Variants in NKAIN2 observed in about 807,000 individuals in gnomAD.
NKAIN2 encodes sodium/potassium transporting ATPase interacting 2.
In NKAIN2, 14 loss-of-function variants were observed where a neutral mutation model predicts 32.6. The ratio of observed to expected loss-of-function variants is 0.43; its 90% CI spans 0.28 to 0.67. NKAIN2 has a LOEUF of 0.67. NKAIN2 is among the 30% of genes least tolerant of loss of function. The pLI, the probability that NKAIN2 is intolerant of heterozygous loss-of-function variation, is 0.17. For synonymous variants in NKAIN2, 80 were observed against 87.2 expected, an observed-to-expected ratio of 0.92 and a Z score of 0.46; for missense variants, 198 against 258.3, an observed-to-expected ratio of 0.77 and a Z score of 1.60.
chr6:123,854,535 C>T (rs764895107), intron 1 of NKAIN2, among the ~76,000 whole-genome samples: 6 of 152,148 alleles, frequency 3.9e-5, no homozygotes, highest in Non-Finnish European at 8.8e-5. Flanking sequence ...TTAAATAATA[C>T]ATTAATGCTA....
intron 4 of NKAIN2, among the ~76,000 whole-genome samples, chr6:124,702,073 G>A (rs1774819009): frequency 6.6e-6 from 1 of 152,066 alleles, no homozygotes; most frequent in Admixed American, 6.6e-5. Flanking sequence ...ATAGTTTGAA[G>A]TTGGGTTACA....
At chr6:124,085,872 C>T (rs1784170244) in intron 1 of NKAIN2, among the ~76,000 whole-genome samples, 1 of 151,854 alleles carries the variant, frequency 6.6e-6, no homozygotes, top group African/African-American at 2.4e-5. Context: ...GAAATCTCTT[C>T]TACCTCCCAT....
At chr6:124,321,037 T>C (rs941484691) in intron 2 of NKAIN2, among the ~76,000 whole-genome samples, 1 of 152,192 alleles carries the variant, frequency 6.6e-6, no homozygotes, top group Non-Finnish European at 1.5e-5. Context: ...CTGTAGCACC[T>C]ACCACAGGAC....
intron 1 of NKAIN2, among the ~76,000 whole-genome samples, chr6:124,038,830 C>T (rs1781729413): frequency 1.3e-5 from 2 of 152,070 alleles, no homozygotes; most frequent in Non-Finnish European, 2.9e-5. Flanking sequence ...ACTGTTTCCA[C>T]TGTTATCAAA....
chr6:124,249,993 G>A (rs1490199784), intron 1 of NKAIN2, among the ~76,000 whole-genome samples: 1 of 152,128 alleles, frequency 6.6e-6, no homozygotes, highest in Non-Finnish European at 1.5e-5. Flanking sequence ...GAGAATTCAT[G>A]TGTTGAACCC....
intron 1 of NKAIN2, among the ~76,000 whole-genome samples, chr6:123,956,282 G>A (rs1333134057): frequency 1.3e-5 from 2 of 152,156 alleles, no homozygotes; most frequent in Non-Finnish European, 2.9e-5. Flanking sequence ...TTGTATCCGT[G>A]AAAATTCATA....
intron 1 of NKAIN2, among the ~76,000 whole-genome samples, chr6:123,827,103 A>G (rs1026056460): frequency 8.6e-5 from 13 of 152,046 alleles, no homozygotes; most frequent in African/African-American, 3.1e-4. Context: ...GCGATGTTGA[A>G]TATCTTTTCA....
chr6:123,938,577 ATTTATATAGTT>A (rs1255212228), intron 1 of NKAIN2, among the ~76,000 whole-genome samples: 1 of 135,900 alleles, frequency 7.4e-6, no homozygotes, highest in Non-Finnish European at 1.6e-5. Context: ...TATTATATAT[ATTTATATAGTT>A]TTTATATATT....
At chr6:124,748,164 G>A (rs899847835) in intron 4 of NKAIN2, among the ~76,000 whole-genome samples, 9 of 151,898 alleles carry the variant, frequency 5.9e-5, no homozygotes, top group East Asian at 1.9e-4. Context: ...GCCACAACAC[G>A]TACACAAGCA....
At position 124,104,590 on chromosome 6, in the gene NKAIN2, A is replaced by G. The variant is rs1785033958; in HGVS notation, c.55-178415A>G. ...ACATGAATGCAATATACACACACAC[A>G]TATTGCTCTAATGCTAGGAAAAGGA... is the stretch of plus-strand genomic sequence containing the variant. On this transcript the variant is annotated intron_variant, in intron 1 of 6. Transcript: ENST00000368417. Among the ~76,000 whole-genome samples the G allele has an allele frequency of 2.6e-5, 4 of 152,198 alleles. No homozygotes were observed. The South Asian group carries it at 8.3e-4, about 31-fold the overall frequency.
At chr6:124,364,945 T>G (rs1799457175) in intron 3 of NKAIN2, among the ~76,000 whole-genome samples, 1 of 151,960 alleles carries the variant, frequency 6.6e-6, no homozygotes, top group Non-Finnish European at 1.5e-5. Flanking sequence ...GTTCTAAGGT[T>G]GTAGCATTAT....
intron 1 of NKAIN2, among the ~76,000 whole-genome samples, chr6:124,023,038 ATATATATGTATG>A (rs1562313772): frequency 6.6e-6 from 1 of 150,974 alleles, no homozygotes; most frequent in East Asian, 1.9e-4. Flanking sequence ...TACTTTATAT[ATATATATGTATG>A]TATGTATGTA....
At chr6:124,013,420 T>G (rs1280326547) in intron 1 of NKAIN2, among the ~76,000 whole-genome samples, 1 of 152,200 alleles carries the variant, frequency 6.6e-6, no homozygotes, top group East Asian at 1.9e-4. Context: ...TCTGTATGTT[T>G]TACAATTTTA....
intron 4 of NKAIN2, among the ~76,000 whole-genome samples, chr6:124,700,394 A>G (rs1276894489): frequency 6.6e-6 from 1 of 152,208 alleles, no homozygotes; most frequent in Non-Finnish European, 1.5e-5. Context: ...GAGTTACATC[A>G]GCAACTTTTT....
chr6:124,016,086 G>A (rs753497696), intron 1 of NKAIN2, among the ~76,000 whole-genome samples: 30 of 151,954 alleles, frequency 2.0e-4, no homozygotes, highest in Non-Finnish European at 3.5e-4. Flanking sequence ...AACATTATAA[G>A]GCAATAGATT....
At chr6:124,477,190 C>G (rs1777253309) in intron 3 of NKAIN2, among the ~76,000 whole-genome samples, 1 of 152,058 alleles carries the variant, frequency 6.6e-6, no homozygotes. Flanking sequence ...AATATAAGAG[C>G]TATTGTGGGC....
intron 1 of NKAIN2, among the ~76,000 whole-genome samples, chr6:124,251,648 C>A (rs1041328078): frequency 2.0e-5 from 3 of 151,906 alleles, no homozygotes; most frequent in Non-Finnish European, 2.9e-5. Flanking sequence ...ACATTGAGAA[C>A]CTATTATAAA....
At chr6:123,982,926 C>T (rs929829673) in intron 1 of NKAIN2, among the ~76,000 whole-genome samples, 4 of 152,058 alleles carry the variant, frequency 2.6e-5, no homozygotes, top group African/African-American at 9.7e-5. Context: ...CCCATTTTCC[C>T]CTTCTCTCTC....
chr6:124,105,059 AG>A (rs1307161087), intron 1 of NKAIN2, among the ~76,000 whole-genome samples: 2 of 152,226 alleles, frequency 1.3e-5, no homozygotes, highest in Non-Finnish European at 2.9e-5. Flanking sequence ...GATTATAGGC[AG>A]GGCTGAACTC....
Sources: gnomAD v4.1 joint callset for allele counts (sites outside exome capture counted in the v4.1 genomes callset) on GRCh38, gnomAD v4.1.1 for gene constraint, MANE v1.5 for transcripts, NCBI Gene and HGNC (gene_info 2026-07-23, HGNC 2026-07-21) for gene names.